Variants in ANP32B observed in about 807,000 individuals in gnomAD.
ANP32B encodes acidic nuclear phosphoprotein 32 family member B.
Under a neutral mutation model 32.2 loss-of-function variants are expected in ANP32B, and 6 were observed. That is an observed-to-expected ratio of 0.19 (90% CI 0.10 to 0.37). ANP32B has a LOEUF of 0.37. ANP32B is among the 10% of genes least tolerant of loss of function. ANP32B has a pLI of 1.00. For synonymous variants in ANP32B, 98 were observed against 105.8 expected (o/e 0.93, Z 0.45); for missense variants, 204 against 289.2 (o/e 0.71, Z 2.14).
intron 1 of ANP32B, among the ~76,000 whole-genome samples, chr9:97,991,090 T>G (rs1827818078): frequency 6.6e-6 from 1 of 151,496 alleles, no homozygotes; most frequent in African/African-American, 2.4e-5. Flanking sequence ...CCAAAGTGGT[T>G]GGGATTATAG....
At chr9:97,986,573 G>A (rs1827738542) in intron 1 of ANP32B, 1 of 152,258 alleles carries the variant, frequency 6.6e-6, no homozygotes, top group Admixed American at 6.5e-5. Context: ...TCGCACAGAG[G>A]CGTCATCCTT....
At chr9:98,007,693 G>A (rs756034583) in intron 4 of ANP32B, among the ~76,000 whole-genome samples, 2 of 152,202 alleles carry the variant, frequency 1.3e-5, no homozygotes, top group Non-Finnish European at 2.9e-5. Flanking sequence ...CAGAGAGGTC[G>A]CTTCTGGATG....
At chr9:97,985,270 G>A (rs1328022183) in intron 1 of ANP32B, among the ~76,000 whole-genome samples, 1 of 152,152 alleles carries the variant, frequency 6.6e-6, no homozygotes, top group African/African-American at 2.4e-5. Context: ...GGTTTACCTG[G>A]TGTGCTCGAC....
intron 4 of ANP32B, among the ~76,000 whole-genome samples, chr9:98,009,726 G>C (rs559092581): frequency 2.6e-5 from 4 of 152,232 alleles, no homozygotes; most frequent in Non-Finnish European, 5.9e-5. Flanking sequence ...CTGGTTTGGA[G>C]GAAGCAGAAT....
At chr9:98,003,643 G>A (rs1439053941) in intron 3 of ANP32B, among the ~76,000 whole-genome samples, 2 of 152,138 alleles carry the variant, frequency 1.3e-5, no homozygotes. Flanking sequence ...TGAAAATAAG[G>A]TTTTGTTTTG....
intron 2 of ANP32B, 86 bp downstream of exon 2, chr9:97,994,866 A>T: frequency 7.4e-7 from 1 of 1,347,324 alleles, no homozygotes; most frequent in Non-Finnish European, 1.0e-6. Flanking sequence ...CACTTAGTGT[A>T]GCAGAAAGCA....
At chr9:98,012,722 GGGTGGTGGT>G (rs942174470) in intron 6 of ANP32B, among the ~76,000 whole-genome samples, 2 of 151,944 alleles carry the variant, frequency 1.3e-5, no homozygotes, top group South Asian at 2.1e-4. Context: ...GTTTTTTTCG[GGGTGGTGGT>G]GGTGGTGGTG....
At chr9:97,989,574 A>G (rs1056972380) in intron 1 of ANP32B, among the ~76,000 whole-genome samples, 1 of 152,180 alleles carries the variant, frequency 6.6e-6, no homozygotes, top group African/African-American at 2.4e-5. Context: ...TCTTCATTAG[A>G]TAGCAGCTCT....
intron 1 of ANP32B, among the ~76,000 whole-genome samples, chr9:97,984,255 G>A (rs1461440132): frequency 6.6e-6 from 1 of 151,014 alleles, no homozygotes; most frequent in Non-Finnish European, 1.5e-5. Context: ...GGCGGGCCAG[G>A]GCGGCGGAGG....
At chr9:97,987,624 G>A (rs915719353) in intron 1 of ANP32B, 2 of 152,198 alleles carry the variant, frequency 1.3e-5, no homozygotes, top group Admixed American at 6.5e-5. Context: ...CTTCCTATCA[G>A]CTCTGAGTTT....
At chr9:97,984,155 G>T (rs1827655572) in intron 1 of ANP32B, among the ~76,000 whole-genome samples, 1 of 150,420 alleles carries the variant, frequency 6.6e-6, no homozygotes, top group Non-Finnish European at 1.5e-5. Flanking sequence ...GGGGCGAGGA[G>T]GGGGCTTTTT....
rs759130312 is a variant in ANP32B, at chr9:97,983,509, G to A, written c.-47G>A. 19 of 1,511,420 alleles carry A rather than the reference G, an allele frequency of 1.3e-5. No individual in the cohort carries two copies. Among genetic ancestry groups the A allele is most frequent in the South Asian group, 6.1e-5 (5 of 81,778 alleles). 93.6% of individuals were successfully genotyped at this position (1,511,420 alleles called of 1,614,324 possible). On this transcript the variant is annotated 5_prime_UTR_variant, in exon 1 of 7. Coordinates refer to ENST00000339399, the MANE Select transcript of ANP32B (RefSeq NM_006401.3). ...AAGCCGGGACGCCTCTCCCCCCTCCGCCCCCGCCGCGGAAAGTTAAGTTTG... is the reference window on the plus strand; with the variant it reads ...AAGCCGGGACGCCTCTCCCCCCTCCACCCCCGCCGCGGAAAGTTAAGTTTG...
chr9:98,001,889 G>C (rs550023251), intron 3 of ANP32B, among the ~76,000 whole-genome samples: 3 of 152,156 alleles, frequency 2.0e-5, no homozygotes, highest in East Asian at 3.9e-4. Flanking sequence ...GATAGAAATA[G>C]CATGGCCCTT....
At chr9:98,005,351 T>TA in intron 4 of ANP32B, 198 bp downstream of exon 4, 4 of 365,260 alleles carry the variant, frequency 1.1e-5, no homozygotes, top group South Asian at 9.2e-5. Flanking sequence ...CTACAGAAAA[T>TA]AGAAAAAAAA....
chr9:98,002,276 G>A (rs910243702), intron 3 of ANP32B: 2 of 152,072 alleles, frequency 1.3e-5, no homozygotes, highest in African/African-American at 4.8e-5. Context: ...CTTGCTACAG[G>A]GACATTAATC....
Position 98,015,661 on chromosome 9 carries a change from GT to G in ANP32B, c.*232del. The stretch of plus-strand genomic sequence containing the variant: ...ACTTCACCCCAACAAAATTGTAAGC[GT>G]TGTTAGGTTTTTGTGTAAGATTCTT... On this transcript the variant is annotated 3_prime_UTR_variant, in exon 7 of 7. Transcript: ENST00000339399. The G allele has an allele frequency of 8.3e-7, 1 of 1,211,248 alleles. No individual in the cohort carries two copies. 75.0% of individuals were successfully genotyped at this position (1,211,248 alleles called of 1,614,324 possible).
At chr9:97,984,942 C>T (rs1827686777) in intron 1 of ANP32B, among the ~76,000 whole-genome samples, 1 of 151,088 alleles carries the variant, frequency 6.6e-6, no homozygotes, top group African/African-American at 2.4e-5. Context: ...GTCGGCCGCG[C>T]GCCTTGCGGG....
intron 1 of ANP32B, among the ~76,000 whole-genome samples, chr9:97,993,377 T>C (rs1333321263): frequency 6.6e-6 from 1 of 152,190 alleles, no homozygotes; most frequent in Admixed American, 6.5e-5. Flanking sequence ...TGTTAATAGC[T>C]CCTCTTCTCT....
At chr9:98,014,489 A>G (rs1480074186) in intron 6 of ANP32B, among the ~76,000 whole-genome samples, 2 of 152,312 alleles carry the variant, frequency 1.3e-5, no homozygotes, top group South Asian at 2.1e-4. Flanking sequence ...ATTAGTTGAA[A>G]AAATTGGTCT....
Sources: allele counts gnomAD v4.1 joint callset (sites outside exome capture counted in the v4.1 genomes callset), GRCh38; gene constraint gnomAD v4.1.1; transcripts MANE v1.5; gene names NCBI Gene and HGNC (gene_info 2026-07-23, HGNC 2026-07-21).